Variants in LPP observed in about 807,000 individuals in gnomAD.
The protein encoded by LPP is lipoma-preferred partner.
A neutral mutation model predicts 60.4 loss-of-function variants in LPP; 38 were observed. The observed-to-expected ratio is 0.63, with a 90% CI of 0.49 to 0.83. The LOEUF (loss-of-function observed/expected upper bound fraction) is 0.83, where lower values mean the gene tolerates loss of function less well. Among genes scored for constraint, LPP ranks in the 40% least tolerant of loss-of-function variants. The pLI is 0.00. For missense variants in LPP, 902 were observed against 783.6 expected, an observed-to-expected ratio of 1.15 and a Z score of -1.80; for synonymous variants, 328 against 290.8, an observed-to-expected ratio of 1.13 and a Z score of -1.30.
chr3:188,553,589 G>A (rs1345860094), intron 6 of LPP, among the ~76,000 whole-genome samples: 1 of 152,160 alleles, frequency 6.6e-6, no homozygotes, highest in African/African-American at 2.4e-5. Context: ...GCTACACCGT[G>A]TTTTTAACAT....
At chr3:188,772,643 C>T (rs945943528) in intron 9 of LPP, among the ~76,000 whole-genome samples, 5 of 151,982 alleles carry the variant, frequency 3.3e-5, no homozygotes, top group Admixed American at 6.6e-5. Context: ...TACAGGTGCC[C>T]GCCACCAAGC....
intron 2 of LPP, among the ~76,000 whole-genome samples, chr3:188,264,987 C>T (rs1238780407): frequency 6.6e-6 from 1 of 152,116 alleles, no homozygotes; most frequent in African/African-American, 2.4e-5. Context: ...ATCTGTTTTC[C>T]ACTGGAAGCC....
intron 6 of LPP, among the ~76,000 whole-genome samples, chr3:188,602,179 T>TATAATATATATATATATA (rs1193545103): frequency 7.5e-6 from 1 of 133,802 alleles, no homozygotes; most frequent in African/African-American, 2.7e-5. Context: ...ATATATATTA[T>TATAATATATATATATATA]ATATATATAT....
At chr3:188,582,900 C>T (rs1219074298) in intron 6 of LPP, among the ~76,000 whole-genome samples, 1 of 152,174 alleles carries the variant, frequency 6.6e-6, no homozygotes, top group African/African-American at 2.4e-5. Flanking sequence ...CTCCTCATTT[C>T]TGCTGCGGTA....
intron 9 of LPP, among the ~76,000 whole-genome samples, chr3:188,819,790 A>G (rs1753479336): frequency 6.6e-6 from 1 of 152,174 alleles, no homozygotes; most frequent in African/African-American, 2.4e-5. Flanking sequence ...GTAGAAAGAC[A>G]GTTTAGGCCT....
chr3:188,768,943 T>C (rs1453222079), intron 9 of LPP, among the ~76,000 whole-genome samples: 1 of 152,204 alleles, frequency 6.6e-6, no homozygotes, highest in Non-Finnish European at 1.5e-5. Context: ...TAAGACTGTA[T>C]GTACATATAG....
At chr3:188,808,737 A>G (rs1267598299) in intron 9 of LPP, among the ~76,000 whole-genome samples, 1 of 152,084 alleles carries the variant, frequency 6.6e-6, no homozygotes, top group Non-Finnish European at 1.5e-5. Context: ...ACACAGGTAT[A>G]TGTGTGCCCT....
chr3:188,690,484 A>G (rs547514549), intron 7 of LPP, among the ~76,000 whole-genome samples: 359 of 152,290 alleles, frequency 2.4e-3, no homozygotes, highest in Non-Finnish European at 3.7e-3. Context: ...TAATTTTTCT[A>G]ATGTTTCAAA....
chr3:188,686,251 G>A (rs183840006), intron 7 of LPP, among the ~76,000 whole-genome samples: 1 of 152,200 alleles, frequency 6.6e-6, no homozygotes, highest in East Asian at 1.9e-4. Context: ...TTCTACCAAA[G>A]TGCATGGCAC....
intron 9 of LPP, among the ~76,000 whole-genome samples, chr3:188,776,126 A>G (rs922892591): frequency 1.3e-5 from 2 of 152,230 alleles, no homozygotes; most frequent in African/African-American, 4.8e-5. Flanking sequence ...AGTATCAGAC[A>G]TGTGAACAAA....
At chr3:188,377,096 C>T (rs931409472) in intron 3 of LPP, among the ~76,000 whole-genome samples, 11 of 152,144 alleles carry the variant, frequency 7.2e-5, no homozygotes, top group African/African-American at 2.4e-4. Flanking sequence ...GATGTGCTTC[C>T]CTTTGTGGGT....
intron 6 of LPP, chr3:188,554,175 G>T (rs1317502933): frequency 6.6e-6 from 1 of 152,012 alleles, no homozygotes; most frequent in Non-Finnish European, 1.5e-5. Flanking sequence ...AGATTTTCTG[G>T]AAGAATTTAG....
chr3:188,534,767 T>C (rs1020901042), intron 6 of LPP, among the ~76,000 whole-genome samples: 1 of 152,218 alleles, frequency 6.6e-6, no homozygotes, highest in Non-Finnish European at 1.5e-5. Flanking sequence ...TAGAGTATAG[T>C]GATAATAAGG....
chr3:188,217,752 T>C lies in LPP; in HGVS notation c.-189-7653T>C, dbSNP rs1199941095. Reference sequence around the variant, plus strand: ...TAGGTGCCCTAGGGGGTTGCCCAGATAAGCAGCTGGCGTTCCAAGACCAAA... The same window carrying C: ...TAGGTGCCCTAGGGGGTTGCCCAGACAAGCAGCTGGCGTTCCAAGACCAAA... On this transcript the variant is annotated intron_variant, in intron 1 of 11. Transcript: ENST00000617246. This position sits in a 1 kb window ranked among gnomAD's most constrained non-coding sequence, Gnocchi z 4.0. Among the ~76,000 whole-genome samples, 1 of 152,144 alleles carries C rather than the reference T, an allele frequency of 6.6e-6. No individual in the cohort carries two copies. Among genetic ancestry groups the C allele is most frequent in the East Asian group, 1.9e-4 (1 of 5,178 alleles).
intron 7 of LPP, among the ~76,000 whole-genome samples, chr3:188,686,036 A>C (rs1860640330): frequency 6.6e-6 from 1 of 152,254 alleles, no homozygotes; most frequent in South Asian, 2.1e-4. Flanking sequence ...TTAAAGCTAG[A>C]GTGGTGTCAT....
At chr3:188,210,156 C>T (rs1436257147) in intron 1 of LPP, among the ~76,000 whole-genome samples, 1 of 151,962 alleles carries the variant, frequency 6.6e-6, no homozygotes, top group Non-Finnish European at 1.5e-5. Context: ...CATTTGCATT[C>T]TCAGGTATTA....
intron 5 of LPP, among the ~76,000 whole-genome samples, chr3:188,514,176 T>C (rs1816646939): frequency 6.6e-6 from 1 of 152,116 alleles, no homozygotes; most frequent in African/African-American, 2.4e-5. Context: ...ATCAGGAAGC[T>C]CAGGGTCAGG....
At chr3:188,823,380 T>G (rs939991358) in intron 9 of LPP, among the ~76,000 whole-genome samples, 4 of 152,114 alleles carry the variant, frequency 2.6e-5, no homozygotes, top group African/African-American at 9.7e-5. Context: ...GACCTTTCTT[T>G]TAAAGAGAGT....
Position 188,496,618 on chromosome 3 carries a change from C to T in LPP, c.306+11914C>T, listed in dbSNP as rs1357805807. 2.0e-5 allele frequency among the ~76,000 whole-genome samples: 3 copies of T among 152,132 alleles called. No individual in the cohort carries two copies. The South Asian group carries it at 6.2e-4, about 32-fold the overall frequency. The stretch of plus-strand genomic sequence containing the variant: ...CAGGCAGGGATGAAGCTCTCTGAGA[C>T]GTGCCAGTCCATTTCTCTCTCCATT... On this transcript the variant is annotated intron_variant, in intron 5 of 11. Coordinates refer to ENST00000617246, the MANE Select transcript of LPP (RefSeq NM_001375462.1).
Sources: allele counts gnomAD v4.1 joint callset (sites outside exome capture counted in the v4.1 genomes callset), GRCh38; gene constraint gnomAD v4.1.1; non-coding constraint Gnocchi (gnomAD v3.1); transcripts MANE v1.5; gene names NCBI Gene and HGNC (gene_info 2026-07-23, HGNC 2026-07-21).